Variants in ANO4 observed in about 807,000 individuals in gnomAD.
ANO4 encodes the protein anoctamin 4.
A neutral mutation model predicts 141.9 loss-of-function variants in ANO4; 69 were observed. That is an observed-to-expected ratio of 0.49 (90% CI 0.40 to 0.59). ANO4 has a LOEUF of 0.59. ANO4 is among the 20% of genes least tolerant of loss of function. ANO4 has a pLI of 0.00. For missense variants in ANO4, 894 were observed against 1,162.2 expected, an observed-to-expected ratio of 0.77 and a Z score of 3.36; for synonymous variants, 350 against 394.3, an observed-to-expected ratio of 0.89 and a Z score of 1.33.
Position 100,899,979 on chromosome 12 carries a change from G to T in ANO4, c.-140-1667G>T, listed in dbSNP as rs991682273. Among the ~76,000 whole-genome samples the T allele has an allele frequency of 2.6e-5, 4 of 152,064 alleles. No homozygotes were observed. The East Asian group carries it at 7.7e-4, about 29-fold the overall frequency. On this transcript the variant is annotated intron_variant, in intron 1 of 27. Transcript: ENST00000392977. ...GGAAGAGGTTGTGATTCAAACCTAC[G>T]CACTCTGATTCCAATACTTAAGACA... is the stretch of plus-strand genomic sequence containing the variant.
intron 3 of ANO4, among the ~76,000 whole-genome samples, chr12:100,932,285 G>A (rs892781056): frequency 4.6e-5 from 7 of 151,910 alleles, no homozygotes; most frequent in Non-Finnish European, 1.0e-4. Context: ...AAAGAAAAGA[G>A]CAATGAATCA....
rs77444692 is a variant in ANO4 at position 100,741,577 on chromosome 12, G to C, written c.358+1472G>C. ...CCCTCCAAAGGCTCTTTAGTCAAATGGCTGAATTGAAATATCAGGGATTGG... is the reference window on the plus strand; with the variant it reads ...CCCTCCAAAGGCTCTTTAGTCAAATCGCTGAATTGAAATATCAGGGATTGG... On this transcript the variant is annotated intron_variant, in intron 3 of 29. Transcript: ENST00000644049. 5.0e-3 allele frequency among the ~76,000 whole-genome samples: 761 copies of C among 152,198 alleles called. 25 individuals carry two copies. In the East Asian group the frequency reaches 0.07, roughly 14 times the overall value.
intron 2 of ANO4, among the ~76,000 whole-genome samples, chr12:100,738,264 A>G (rs1565846361): frequency 1.3e-5 from 2 of 152,088 alleles, no homozygotes; most frequent in Non-Finnish European, 2.9e-5. Flanking sequence ...CCAATGTGAC[A>G]TTTCTATTCT....
rs780893335 is a variant in ANO4, at chr12:100,919,704, GTA to G, written c.56-2520_56-2519del. Among the ~76,000 whole-genome samples, 915 of 119,554 alleles carry G rather than the reference GTA, an allele frequency of 7.7e-3. 11 individuals are homozygous for G. The highest frequency in any genetic ancestry group is 0.027 in the African/African-American group (806 of 29,522). The allele number at this position is 119,554 out of a possible 152,430, so 78.4% of individuals were successfully genotyped here. A position where few individuals can be genotyped will look rare whatever the true frequency, so the allele number is the denominator to read the frequency against. On this transcript the variant is annotated intron_variant, in intron 2 of 27. Coordinates refer to ENST00000392977, the MANE Select transcript of ANO4 (RefSeq NM_001286615.2). ...TGTGTGTGTGTGTGTGTGTGTGTGT[GTA>G]TGTATGTATGTATGTATGTGTGTAT... is the stretch of plus-strand genomic sequence containing the variant.
At chr12:100,865,633 G>A (rs1048627119) in intron 1 of ANO4, among the ~76,000 whole-genome samples, 2 of 152,064 alleles carry the variant, frequency 1.3e-5, no homozygotes, top group East Asian at 1.9e-4. Flanking sequence ...TTAGAATGGT[G>A]ATCATTAAAA....
intron 3 of ANO4, among the ~76,000 whole-genome samples, chr12:100,746,453 T>TAAAAAAAAAAAAAAA (rs58996492): frequency 3.4e-5 from 5 of 146,912 alleles, no homozygotes; most frequent in Non-Finnish European, 4.6e-5. Context: ...ACTCTGTTAT[T>TAAAAAAAAAAAAAAA]AAAAAGAATG....
chr12:100,937,841 A>G (rs2042348959), intron 3 of ANO4, among the ~76,000 whole-genome samples: 1 of 152,272 alleles, frequency 6.6e-6, no homozygotes, highest in South Asian at 2.1e-4. Flanking sequence ...CAAAGCCAGC[A>G]GCATAGCATC....
In ANO4 at chr12:100,946,908, T is replaced by C. The variant is rs542747633; in HGVS notation, c.456+4373T>C. ...GTTCAGGAGAGATGGAGGAATCAAC[T>C]GTGTCAAATGCTGCTGATGGGGTGT... On this transcript the variant is annotated intron_variant, in intron 5 of 27. Coordinates refer to ENST00000392977, the MANE Select transcript of ANO4 (RefSeq NM_001286615.2). Among the ~76,000 whole-genome samples the C allele has an allele frequency of 2.0e-5, 3 of 152,302 alleles. No individual in the cohort carries two copies. In the South Asian group the frequency reaches 6.2e-4, roughly 32 times the overall value.
intron 18 of ANO4, among the ~76,000 whole-genome samples, chr12:101,094,997 C>A (rs954082718): frequency 6.6e-6 from 1 of 152,142 alleles, no homozygotes; most frequent in Admixed American, 6.6e-5. Flanking sequence ...ACATTTATCA[C>A]ATTTTCAAAA....
intron 1 of ANO4, among the ~76,000 whole-genome samples, chr12:100,825,384 A>C (rs2036275768): frequency 6.6e-6 from 1 of 152,026 alleles, no homozygotes; most frequent in Non-Finnish European, 1.5e-5. Flanking sequence ...CTGAAATATA[A>C]ATTATTTCAT....
At chr12:100,962,361 G>T (rs536334635) in intron 5 of ANO4, among the ~76,000 whole-genome samples, 1 of 152,214 alleles carries the variant, frequency 6.6e-6, no homozygotes, top group South Asian at 2.1e-4. Flanking sequence ...CACAAAGACA[G>T]CAATGAAATC....
chr12:100,867,124 C>T (rs928221143), intron 1 of ANO4, among the ~76,000 whole-genome samples: 2 of 152,158 alleles, frequency 1.3e-5, no homozygotes, highest in African/African-American at 4.8e-5. Flanking sequence ...ACATACCAGG[C>T]ACCACACTCT....
intron 14 of ANO4, among the ~76,000 whole-genome samples, chr12:101,055,198 T>C (rs1391236427): frequency 1.3e-5 from 2 of 152,242 alleles, no homozygotes; most frequent in African/African-American, 4.8e-5. Flanking sequence ...GGATGAATAA[T>C]TAAAAGTGGC....
chr12:100,881,921 A>C (rs1257810850), intron 1 of ANO4, among the ~76,000 whole-genome samples: 2 of 152,146 alleles, frequency 1.3e-5, no homozygotes, highest in Non-Finnish European at 2.9e-5. Context: ...CAGTTCCATC[A>C]CTTAAGAATT....
intron 1 of ANO4, among the ~76,000 whole-genome samples, chr12:100,868,152 C>T (rs1469656927): frequency 6.6e-6 from 1 of 152,112 alleles, no homozygotes; most frequent in Non-Finnish European, 1.5e-5. Flanking sequence ...TTTCTTTCTT[C>T]AGTGCACAGT....
chr12:100,934,147 G>A (rs1027770726), intron 3 of ANO4, among the ~76,000 whole-genome samples: 2 of 152,122 alleles, frequency 1.3e-5, no homozygotes, highest in African/African-American at 4.8e-5. Flanking sequence ...ATTGCTTTTG[G>A]TGTTTTAATC....
chr12:101,071,822 C>T (rs2048823490), intron 14 of ANO4, among the ~76,000 whole-genome samples: 1 of 151,946 alleles, frequency 6.6e-6, no homozygotes, highest in Non-Finnish European at 1.5e-5. Context: ...ATATATACAC[C>T]TACTAAGTAC....
chr12:100,911,002 A>G (rs979213616), intron 2 of ANO4, among the ~76,000 whole-genome samples: 6 of 152,094 alleles, frequency 3.9e-5, no homozygotes, highest in Non-Finnish European at 8.8e-5. Context: ...GGAGAGAAAC[A>G]TTAGGATTTT....
At chr12:100,890,735 T>A (rs933654204) in intron 1 of ANO4, among the ~76,000 whole-genome samples, 3 of 152,202 alleles carry the variant, frequency 2.0e-5, no homozygotes, top group Non-Finnish European at 4.4e-5. Flanking sequence ...TCCTCTATTA[T>A]GACCTTCCCA....
Sources: gnomAD v4.1 joint callset for allele counts (sites outside exome capture counted in the v4.1 genomes callset) on GRCh38, gnomAD v4.1.1 for gene constraint, MANE v1.5 for transcripts, NCBI Gene and HGNC (gene_info 2026-07-23, HGNC 2026-07-21) for gene names.